Variants in SLC35F4 observed in about 807,000 individuals in gnomAD.
The protein encoded by SLC35F4 is solute carrier family 35 member F4.
Under a neutral mutation model 44.2 loss-of-function variants are expected in SLC35F4, and 24 were observed. The ratio of observed to expected loss-of-function variants is 0.54; its 90% CI spans 0.39 to 0.76. SLC35F4 has a LOEUF of 0.76. SLC35F4 is among the 30% of genes least tolerant of loss of function. SLC35F4 has a pLI of 0.00. For synonymous variants in SLC35F4, 238 were observed against 223.6 expected (o/e 1.06, Z -0.57); for missense variants, 562 against 586.1 (o/e 0.96, Z 0.42).
intron 1 of SLC35F4, among the ~76,000 whole-genome samples, chr14:57,807,830 T>C (rs1385421982): frequency 2.6e-5 from 4 of 151,874 alleles, no homozygotes; most frequent in Non-Finnish European, 4.4e-5. Context: ...TACCTGAGAC[T>C]GGGTAATTTA....
chr14:57,857,253 G>A (rs563053770), intron 1 of SLC35F4, among the ~76,000 whole-genome samples: 1 of 151,634 alleles, frequency 6.6e-6, no homozygotes, highest in South Asian at 2.1e-4. Context: ...CTCCAGCCTG[G>A]GCAACACACC....
At chr14:57,628,936 T>A (rs1485115955) in intron 1 of SLC35F4, among the ~76,000 whole-genome samples, 1 of 152,114 alleles carries the variant, frequency 6.6e-6, no homozygotes, top group Admixed American at 6.6e-5. Flanking sequence ...CTCATGGATT[T>A]CCCCTGAGAA....
At chr14:57,670,488 T>C (rs2074477904) in intron 1 of SLC35F4, among the ~76,000 whole-genome samples, 1 of 152,100 alleles carries the variant, frequency 6.6e-6, no homozygotes, top group South Asian at 2.1e-4. Flanking sequence ...AATTTCCCTC[T>C]ACACACTGCT....
At chr14:57,763,239 T>C (rs909393864) in intron 1 of SLC35F4, among the ~76,000 whole-genome samples, 2 of 152,188 alleles carry the variant, frequency 1.3e-5, no homozygotes, top group Non-Finnish European at 2.9e-5. Flanking sequence ...TGATGCTTTC[T>C]GCCAATATCA....
chr14:57,750,405 C>T (rs893289494), intron 1 of SLC35F4, among the ~76,000 whole-genome samples: 3 of 152,094 alleles, frequency 2.0e-5, no homozygotes, highest in East Asian at 1.9e-4. Context: ...GATAGATACC[C>T]AGTAGTGGGA....
At chr14:57,689,286 T>C (rs1394571978) in intron 1 of SLC35F4, among the ~76,000 whole-genome samples, 1 of 152,282 alleles carries the variant, frequency 6.6e-6, no homozygotes, top group East Asian at 1.9e-4. Flanking sequence ...ATTCACCCTG[T>C]CCTGCCAAGT....
intron 1 of SLC35F4, among the ~76,000 whole-genome samples, chr14:57,813,816 T>C (rs942634491): frequency 6.6e-6 from 1 of 152,080 alleles, no homozygotes; most frequent in Admixed American, 6.6e-5. Context: ...CAGGGCTGGC[T>C]CAGCCGCAGG....
intron 1 of SLC35F4, among the ~76,000 whole-genome samples, chr14:57,751,852 G>C (rs550673745): frequency 1.3e-5 from 2 of 152,104 alleles, no homozygotes; most frequent in African/African-American, 4.8e-5. Flanking sequence ...AATTTTTAAT[G>C]TCAATATGGA....
chr14:57,776,536 C>T (rs966487826), intron 1 of SLC35F4, among the ~76,000 whole-genome samples: 12 of 151,730 alleles, frequency 7.9e-5, no homozygotes, highest in African/African-American at 1.7e-4. Flanking sequence ...AGTGGTGGCA[C>T]GCGCCTGCAA....
At chr14:57,842,745 T>C (rs1461557474) in intron 1 of SLC35F4, among the ~76,000 whole-genome samples, 3 of 152,138 alleles carry the variant, frequency 2.0e-5, no homozygotes, top group African/African-American at 4.8e-5. Flanking sequence ...ATGGTTAATA[T>C]TGAGTGTCAA....
At chr14:57,862,066 A>G (rs1474697029) in intron 1 of SLC35F4, among the ~76,000 whole-genome samples, 6 of 151,992 alleles carry the variant, frequency 3.9e-5, no homozygotes, top group African/African-American at 1.5e-4. Flanking sequence ...ATCCCCTGAC[A>G]ATCCACCCCC....
At chr14:57,718,796 C>T (rs1041441736) in intron 1 of SLC35F4, among the ~76,000 whole-genome samples, 2 of 152,092 alleles carry the variant, frequency 1.3e-5, no homozygotes, top group Admixed American at 1.3e-4. Context: ...TGGGTTGTCT[C>T]TTCACTTTGT....
chr14:57,754,292 A>T (rs896612157), intron 1 of SLC35F4, among the ~76,000 whole-genome samples: 5 of 151,816 alleles, frequency 3.3e-5, no homozygotes, highest in African/African-American at 1.2e-4. Flanking sequence ...TTTAGTAGAG[A>T]TGGGGTTTCA....
At chr14:57,617,429 C>T (rs937431653) in intron 1 of SLC35F4, among the ~76,000 whole-genome samples, 3 of 151,948 alleles carry the variant, frequency 2.0e-5, no homozygotes, top group African/African-American at 7.3e-5. Flanking sequence ...CGCGCCTGGC[C>T]TAACTGTAGT....
chr14:57,930,581 A>G (rs1443001044), intron 1 of SLC35F4, among the ~76,000 whole-genome samples: 1 of 152,198 alleles, frequency 6.6e-6, no homozygotes, highest in African/African-American at 2.4e-5. Flanking sequence ...GGGAAAACCC[A>G]GATAAATGTT....
intron 1 of SLC35F4, among the ~76,000 whole-genome samples, chr14:57,845,034 G>A (rs918202614): frequency 2.0e-5 from 3 of 152,100 alleles, no homozygotes; most frequent in Non-Finnish European, 4.4e-5. Context: ...TCTGGTTGAA[G>A]TAAAATTCAG....
intron 1 of SLC35F4, among the ~76,000 whole-genome samples, chr14:57,699,367 A>G (rs1337676119): frequency 6.6e-6 from 1 of 152,144 alleles, no homozygotes; most frequent in African/African-American, 2.4e-5. Flanking sequence ...TTATTTTAAC[A>G]CTTTTTCAGA....
intron 1 of SLC35F4, among the ~76,000 whole-genome samples, chr14:57,932,702 A>G (rs1348244968): frequency 6.6e-6 from 1 of 152,102 alleles, no homozygotes; most frequent in Non-Finnish European, 1.5e-5. Flanking sequence ...TACAAAAATT[A>G]GTTGAGCATG....
intron 4 of SLC35F4, 162 bp downstream of exon 4, chr14:57,581,052 A>G: frequency 3.4e-6 from 2 of 581,874 alleles, no homozygotes; most frequent in Non-Finnish European, 2.7e-6. Flanking sequence ...ATGATGTTGC[A>G]ACTGCCTGGG....
Sources: gnomAD v4.1 joint callset for allele counts (sites outside exome capture counted in the v4.1 genomes callset) on GRCh38, gnomAD v4.1.1 for gene constraint, MANE v1.5 for transcripts, NCBI Gene and HGNC (gene_info 2026-07-23, HGNC 2026-07-21) for gene names.